The following POLE variants were observed in gnomAD, a reference collection of about 807,000 sequenced individuals.
POLE encodes the protein DNA polymerase epsilon catalytic subunit A.
Under a neutral mutation model 279.2 loss-of-function variants are expected in POLE, and 188 were observed. The observed-to-expected ratio is 0.67, with a 90% CI of 0.60 to 0.76. The LOEUF is 0.76. POLE is among the 30% of genes least tolerant of loss of function. POLE has a pLI of 0.00. For missense variants in POLE, 2,703 were observed against 3,016.7 expected, an observed-to-expected ratio of 0.90 and a Z score of 2.44; for synonymous variants, 1,214 against 1,172.5, an observed-to-expected ratio of 1.04 and a Z score of -0.72.
Position 132,643,922 on chromosome 12 carries a change from A to G in POLE, c.4205T>C (p.Val1402Ala), listed in dbSNP as rs761481993. 6.2e-7 allele frequency: 1 copy of G among 1,614,074 alleles called. No individual in the cohort carries two copies. Among genetic ancestry groups the G allele is most frequent in the Non-Finnish European group, 8.5e-7 (1 of 1,179,976 alleles). ...NMVYNLYEYS[V>A]PEDMYQEHIN... is the part of the protein sequence containing the mutation. ...GTGTTCCTGGTACATGTCCTCTGGCACTGAATACTCATAGAGATTGTAGAC... is the reference window on the plus strand; with the variant it reads ...GTGTTCCTGGTACATGTCCTCTGGCGCTGAATACTCATAGAGATTGTAGAC... Residue 1402 changes from valine (V) to alanine (A), a missense_variant, in exon 33 of 49, where the codon GTG (valine) becomes GCG (alanine). Val to Ala is a moderately conservative substitution (Grantham distance 64). Around this residue, in one of 5 missense-constraint regions of POLE, gnomAD observed 1,551 missense variants for 1,686.1 expected, o/e 0.92. Transcript: ENST00000320574.
At chr12:132,637,930 G>A (rs1296227492) in intron 41 of POLE, 84 bp downstream of exon 41, 2 of 1,494,182 alleles carry the variant, frequency 1.3e-6, no homozygotes, top group Admixed American at 3.5e-5. Flanking sequence ...AGCCCACCCA[G>A]GAGGAGAGCT....
rs757480645 is a variant in POLE at position 132,632,759 on chromosome 12, C to T, written c.6041G>A (p.Gly2014Glu). 2.5e-6 allele frequency: 4 copies of T among 1,612,244 alleles called. No homozygotes were observed. Among genetic ancestry groups the T allele is most frequent in the Non-Finnish European group, 2.5e-6 (3 of 1,179,988 alleles). ...IVAVYHCMKD[G>E]LRRSAPGSTP... ...GCTCCCTGGAGCACTGCGCCTCAGC[C>T]CGTCCTTCATGCAGTGGTACACGGC... Residue 2014 changes from glycine to glutamate, a missense_variant, in exon 44 of 49, where the codon GGG becomes GAG. This residue lies in a region of POLE where 1,551 missense variants were observed against 1,686.1 expected (regional missense o/e 0.92). Transcript: ENST00000320574.
chr12:132,675,320 G>A lies in POLE; in HGVS notation c.1226+78C>T. On this transcript the variant is annotated intron_variant, in intron 12 of 48. Transcript: ENST00000320574. This position sits in a 1 kb window ranked among gnomAD's most constrained non-coding sequence, Gnocchi z 4.3. ...CCACCCTCCTCCCATGAGATGTGGT[G>A]ACAGCACAGTCTGCAAGAGGCCTTC... is the stretch of plus-strand genomic sequence containing the variant. 2 of 1,551,930 alleles carry A rather than the reference G, an allele frequency of 1.3e-6. No individual in the cohort carries two copies. The highest frequency in any genetic ancestry group is 1.8e-5 in the Admixed American group (1 of 55,508).
At chr12:132,636,248 T>C (rs1373588691) in intron 41 of POLE, among the ~76,000 whole-genome samples, 2 of 151,746 alleles carry the variant, frequency 1.3e-5, no homozygotes, top group Admixed American at 1.3e-4. Flanking sequence ...GAGAGCTGGG[T>C]GCCTCCTCGT....
chr12:132,653,291 C>T (rs920886187), intron 29 of POLE, among the ~76,000 whole-genome samples: 1 of 152,150 alleles, frequency 6.6e-6, no homozygotes, highest in Non-Finnish European at 1.5e-5. Context: ...GGGAGGATAA[C>T]GTGAGATTAA....
In POLE at chr12:132,672,607, A is replaced by G. The variant is rs368740729; in HGVS notation, c.1686+20T>C. ...CAGCACAAGAGTGGGAAGAATCTGA[A>G]TCCCAGGGAAGAAGCACACCATCCT... On this transcript the variant is annotated intron_variant, in intron 15 of 48. Coordinates refer to ENST00000320574, the MANE Select transcript of POLE (RefSeq NM_006231.4). 6 of 1,610,850 alleles carry G rather than the reference A, an allele frequency of 3.7e-6. No individual in the cohort carries two copies. The African/African-American group carries it at 8.0e-5, about 22-fold the overall frequency.
intron 5 of POLE, 23 bp downstream of exon 5, chr12:132,679,930 CT>C: frequency 6.5e-7 from 1 of 1,546,298 alleles, no homozygotes; most frequent in South Asian, 1.2e-5. Context: ...TCATTTACCC[CT>C]GGAAAGTCTG....
intron 39 of POLE, chr12:132,641,302 G>A: frequency 2.5e-6 from 1 of 394,368 alleles, no homozygotes; most frequent in Non-Finnish European, 4.9e-6. Flanking sequence ...TGACACCTAA[G>A]TGCTGATGCC....
At chr12:132,658,996 T>C (rs2042616027) in intron 26 of POLE, among the ~76,000 whole-genome samples, 1 of 151,674 alleles carries the variant, frequency 6.6e-6, no homozygotes, top group African/African-American at 2.4e-5. Context: ...TCCAAAGTGG[T>C]TTCAAACTGT....
At position 132,676,012 on chromosome 12, in the gene POLE, C is replaced by T. The variant is rs186040443; in HGVS notation, c.1020+82G>A. The T allele has an allele frequency of 8.9e-5, 91 of 1,019,162 alleles. No individual in the cohort carries two copies. The East Asian group carries it at 1.2e-3, about 14-fold the overall frequency. 63.1% of individuals were successfully genotyped at this position (1,019,162 alleles called of 1,614,324 possible). On this transcript the variant is annotated intron_variant, in intron 10 of 48. Coordinates refer to ENST00000320574, the MANE Select transcript of POLE (RefSeq NM_006231.4). Reference sequence around the variant, plus strand: ...TCATGGAGCTGCAATTCTGATCTGACGGAATGCCTGAGGCCTTGGAAAGAT... The same window carrying T: ...TCATGGAGCTGCAATTCTGATCTGATGGAATGCCTGAGGCCTTGGAAAGAT...
At position 132,679,604 on chromosome 12, in the gene POLE, G is replaced by A; in HGVS notation, c.471C>T (p.Phe157=). The A allele has an allele frequency of 1.9e-6, 3 of 1,613,748 alleles. No individual in the cohort carries two copies. Among genetic ancestry groups the A allele is most frequent in the Non-Finnish European group, 2.5e-6 (3 of 1,179,604 alleles). Reference sequence around the variant, plus strand: ...CTTTGACAAGATCCTCCACAGTGTGGAAGGACAGCCTGATGTAATTTCGCT... The same window carrying A: ...CTTTGACAAGATCCTCCACAGTGTGAAAGGACAGCCTGATGTAATTTCGCT... ...GLKRNYIRLS[F]HTVEDLVKVR... is the part of the protein sequence containing the mutation. Residue 157 remains phenylalanine (F), a synonymous_variant, in exon 6 of 49, where the codon TTC becomes TTT. Coordinates refer to ENST00000320574, the MANE Select transcript of POLE (RefSeq NM_006231.4).
Position 132,642,877 on chromosome 12 carries a change from T to C in POLE, c.4671A>G (p.Ala1557=), listed in dbSNP as rs1049335838. 1.9e-6 allele frequency: 3 copies of C among 1,613,822 alleles called. No individual in the cohort carries two copies. The highest frequency in any genetic ancestry group is 2.5e-6 in the Non-Finnish European group (3 of 1,179,968). The change falls in exon 36 of 49, where the codon GCA becomes GCG. Residue 1557 remains alanine (A), a synonymous_variant. Coordinates refer to ENST00000320574, the MANE Select transcript of POLE (RefSeq NM_006231.4). ...PPPKHTFEVR[A]ETDLKTICRA... ...TGCAGATGGTCTTCAGGTCAGTTTC[T>C]GCCCGAACTTCGAAGGTGTGTTTGG...
chr12:132,681,153 G>A lies in POLE; in HGVS notation c.189C>T (p.Leu63=), dbSNP rs2136033638. ...TAGTGCTTACAGGATGCATGTTAAT[G>A]AGCCAGCCTGTCTTCTCACCAGGCT... ...LKEPGEKTGW[L]INMHPTEILD... The change falls in exon 2 of 49, where the codon CTC becomes CTT. Residue 63 remains leucine, a synonymous_variant. Transcript: ENST00000320574. The A allele has an allele frequency of 6.2e-7, 1 of 1,614,056 alleles. No homozygotes were observed. Among genetic ancestry groups the A allele is most frequent in the South Asian group, 1.1e-5 (1 of 91,076 alleles).
intron 6 of POLE, among the ~76,000 whole-genome samples, 155 bp from the exon 7 acceptor site, chr12:132,677,874 CCTTT>C (rs1210978852): frequency 2.0e-5 from 3 of 152,172 alleles, no homozygotes; most frequent in East Asian, 3.9e-4. Flanking sequence ...GGCAGTCCTT[CCTTT>C]AAGAATGGCT....
Position 132,642,573 on chromosome 12 carries a change from C to T in POLE, c.4885G>A (p.Ala1629Thr), listed in dbSNP as rs1355270758. Residue 1629 changes from alanine to threonine, a missense_variant, in exon 37 of 49, where the codon GCC (alanine) becomes ACC (threonine). Coordinates refer to ENST00000320574, the MANE Select transcript of POLE (RefSeq NM_006231.4). ...YGVLDWQRHG[A>T]RRMIRHYLNL... ...AGGTAGTGACGGATCATGCGCCGGG[C>T]TCCATGGCGCTGCCAGTCCAGGACC... 1.2e-6 allele frequency: 2 copies of T among 1,613,538 alleles called. No individual in the cohort carries two copies. The highest frequency in any genetic ancestry group is 8.5e-7 in the Non-Finnish European group (1 of 1,180,030).
In POLE at chr12:132,638,234, C is replaced by A. The variant is rs931321228; in HGVS notation, c.5553-95G>T. 13 of 1,192,996 alleles carry A rather than the reference C, an allele frequency of 1.1e-5. No homozygotes were observed. The African/African-American group carries it at 2.0e-4, about 19-fold the overall frequency. The allele number at this position is 1,192,996 out of a possible 1,614,324, so 73.9% of individuals were successfully genotyped here. On this transcript the variant is annotated intron_variant, in intron 40 of 48. Transcript: ENST00000320574. ...TCCAAGAGGGAAAAGAGCTGAGGGTCCTGAAGCAGAAAAGCCTCCGAGATA... is the reference window on the plus strand; with the variant it reads ...TCCAAGAGGGAAAAGAGCTGAGGGTACTGAAGCAGAAAAGCCTCCGAGATA...
chr12:132,640,655 A>C (rs2042122773), intron 39 of POLE, among the ~76,000 whole-genome samples: 1 of 152,266 alleles, frequency 6.6e-6, no homozygotes, highest in African/African-American at 2.4e-5. Context: ...CCTACTGAAG[A>C]AGCGGGAACT....
chr12:132,662,974 G>T (rs1341877113), intron 23 of POLE, among the ~76,000 whole-genome samples: 1 of 152,206 alleles, frequency 6.6e-6, no homozygotes, highest in Non-Finnish European at 1.5e-5. Context: ...ACAGTAGAAG[G>T]AATGAAGGAA....
chr12:132,654,020 A>T (rs1318824277), intron 29 of POLE, among the ~76,000 whole-genome samples: 1 of 152,234 alleles, frequency 6.6e-6, no homozygotes, highest in African/African-American at 2.4e-5. Flanking sequence ...TATTCCCAGC[A>T]TAAGTCCTAG....
Sources: gnomAD v4.1 joint callset for allele counts (sites outside exome capture counted in the v4.1 genomes callset) on GRCh38, gnomAD v4.1.1 for gene constraint, gnomAD v4.1.1 regional missense constraint, Gnocchi (gnomAD v3.1) non-coding constraint, MANE v1.5 for transcripts, NCBI Gene and HGNC (gene_info 2026-07-23, HGNC 2026-07-21) for gene names.